Variants in AFAP1 observed in about 807,000 individuals in gnomAD.
AFAP1 encodes the protein actin filament-associated protein 1.
A neutral mutation model predicts 93.9 loss-of-function variants in AFAP1; 75 were observed. That is an observed-to-expected ratio of 0.80 (90% CI 0.66 to 0.97). The LOEUF is 0.97. Among genes scored for constraint, AFAP1 ranks in the 50% least tolerant of loss-of-function variants. AFAP1 has a pLI of 0.00. For synonymous variants in AFAP1, 517 were observed against 430.7 expected, an observed-to-expected ratio of 1.20 and a Z score of -2.48; for missense variants, 1,201 against 1,050.8, an observed-to-expected ratio of 1.14 and a Z score of -1.98.
At chr4:7,892,444 G>A (rs1478245015) in intron 1 of AFAP1, among the ~76,000 whole-genome samples, 1 of 152,188 alleles carries the variant, frequency 6.6e-6, no homozygotes, top group Non-Finnish European at 1.5e-5. Flanking sequence ...CATTCCCCAA[G>A]GAGACACTGG....
chr4:7,811,468 C>A (rs190839642), intron 8 of AFAP1, among the ~76,000 whole-genome samples: 131 of 151,730 alleles, frequency 8.6e-4, no homozygotes, highest in Admixed American at 3.0e-3. Context: ...CCTTCCCAAT[C>A]TCCGCCTCTC....
At chr4:7,865,974 G>A (rs1372491436) in intron 3 of AFAP1, among the ~76,000 whole-genome samples, 1 of 152,218 alleles carries the variant, frequency 6.6e-6, no homozygotes, top group Non-Finnish European at 1.5e-5. Flanking sequence ...TCAGCTCACT[G>A]CAACCTCCGC....
intron 1 of AFAP1, among the ~76,000 whole-genome samples, chr4:7,906,346 A>AT (rs1719401247): frequency 6.6e-6 from 1 of 152,214 alleles, no homozygotes; most frequent in Non-Finnish European, 1.5e-5. Flanking sequence ...CAGATAATGG[A>AT]TTTTAAAATT....
intron 1 of AFAP1, among the ~76,000 whole-genome samples, chr4:7,882,603 G>C (rs1717914454): frequency 6.6e-6 from 1 of 152,170 alleles, no homozygotes; most frequent in Admixed American, 6.5e-5. Flanking sequence ...GCTCACACCT[G>C]TCATCTCAGC....
intron 15 of AFAP1, 109 bp downstream of exon 15, chr4:7,774,630 A>C (rs1304497244): frequency 6.9e-7 from 1 of 1,444,676 alleles, no homozygotes; most frequent in Non-Finnish European, 9.2e-7. Context: ...ACTCTTACTA[A>C]ATAAAATGAC....
chr4:7,912,576 T>C (rs1031115019), intron 1 of AFAP1, among the ~76,000 whole-genome samples: 3 of 152,236 alleles, frequency 2.0e-5, no homozygotes, highest in Admixed American at 1.3e-4. Flanking sequence ...CTTGCTTATA[T>C]GTTATCTGAA....
intron 1 of AFAP1, among the ~76,000 whole-genome samples, chr4:7,902,552 T>C (rs1006558982): frequency 6.6e-6 from 1 of 151,614 alleles, no homozygotes; most frequent in Non-Finnish European, 1.5e-5. Flanking sequence ...TCTCCTTCTA[T>C]TGTCGTGTTT....
At chr4:7,911,443 C>T (rs531862274) in intron 1 of AFAP1, among the ~76,000 whole-genome samples, 6 of 152,324 alleles carry the variant, frequency 3.9e-5, no homozygotes, top group Non-Finnish European at 7.3e-5. Flanking sequence ...TATGAATGTG[C>T]TTTCTATCAT....
At chr4:7,792,291 CCAAG>C (rs1717931665) in intron 11 of AFAP1, among the ~76,000 whole-genome samples, 2 of 152,088 alleles carry the variant, frequency 1.3e-5, no homozygotes, top group South Asian at 4.1e-4. Context: ...AGATCTTTCC[CCAAG>C]CATGACTTCT....
At chr4:7,860,128 T>A (rs1050147271) in intron 3 of AFAP1, among the ~76,000 whole-genome samples, 19 of 151,622 alleles carry the variant, frequency 1.3e-4, no homozygotes, top group African/African-American at 3.4e-4. Flanking sequence ...GGTGACAGAG[T>A]GAGATGCTAT....
Position 7,909,846 on chromosome 4 carries a change from C to A in AFAP1, c.-3+29810G>T, listed in dbSNP as rs115545863. On this transcript the variant is annotated intron_variant, in intron 1 of 17. Transcript: ENST00000420658. ...TCAGCATGCATGCTTTTTTCACAGC[C>A]CCCCAGATGCAGCTAGGGTTGCAAA... Among the ~76,000 whole-genome samples, 1,042 of 152,222 alleles carry A rather than the reference C, an allele frequency of 6.8e-3. 8 individuals carry two copies. Among genetic ancestry groups the A allele is most frequent in the African/African-American group, 0.022 (931 of 41,534 alleles).
chr4:7,902,476 A>G (rs142445191), intron 1 of AFAP1, among the ~76,000 whole-genome samples: 2 of 152,318 alleles, frequency 1.3e-5, no homozygotes, highest in East Asian at 3.9e-4. Flanking sequence ...GACTGAGAAG[A>G]AAACAGAAAC....
chr4:7,802,769 C>T (rs1560168392), intron 9 of AFAP1, among the ~76,000 whole-genome samples: 1 of 151,868 alleles, frequency 6.6e-6, no homozygotes, highest in Non-Finnish European at 1.5e-5. Flanking sequence ...CCCGCCTCAG[C>T]CTCCCAAGCA....
In AFAP1 at chr4:7,872,439, G is replaced by C. The variant is rs186415194; in HGVS notation, c.-2-359C>G. The C allele has an allele frequency of 5.3e-4, 98 of 185,858 alleles. 1 individual carries two copies. Among genetic ancestry groups the C allele is most frequent in the African/African-American group, 2.2e-3 (95 of 42,424 alleles). 11.5% of individuals were successfully genotyped at this position (185,858 alleles called of 1,614,324 possible). ...GGAGATGGGAGTTTAAAATGCCAAAGAGTTTTCTAATAACCAGTAGGGCAT... is the reference window on the plus strand; with the variant it reads ...GGAGATGGGAGTTTAAAATGCCAAACAGTTTTCTAATAACCAGTAGGGCAT... On this transcript the variant is annotated intron_variant, in intron 1 of 17. Transcript: ENST00000420658.
At chr4:7,924,060 A>T (rs140688149) in intron 1 of AFAP1, among the ~76,000 whole-genome samples, 38 of 152,358 alleles carry the variant, frequency 2.5e-4, no homozygotes, top group Non-Finnish European at 4.6e-4. Context: ...GTCTGATAGC[A>T]AGAGTCAGAA....
chr4:7,926,201 C>T (rs1577364913), intron 1 of AFAP1, among the ~76,000 whole-genome samples: 1 of 152,226 alleles, frequency 6.6e-6, no homozygotes, highest in African/African-American at 2.4e-5. Context: ...GCTTCTAATG[C>T]TCACAATATA....
At chr4:7,932,251 C>T (rs1430475565) in intron 1 of AFAP1, among the ~76,000 whole-genome samples, 4 of 152,120 alleles carry the variant, frequency 2.6e-5, no homozygotes, top group African/African-American at 9.7e-5. Flanking sequence ...ATCAAAAACA[C>T]CCACATGATA....
intron 4 of AFAP1, among the ~76,000 whole-genome samples, chr4:7,853,821 C>T (rs1368435543): frequency 6.6e-6 from 1 of 152,190 alleles, no homozygotes; most frequent in Admixed American, 6.5e-5. Flanking sequence ...GGGCCATCAA[C>T]TGAGAGTCCC....
chr4:7,858,986 C>G (rs1715378685), intron 3 of AFAP1, among the ~76,000 whole-genome samples: 1 of 152,210 alleles, frequency 6.6e-6, no homozygotes, highest in Admixed American at 6.5e-5. Context: ...CACTGAATGG[C>G]AGCCCCACAC....
Sources: gnomAD v4.1 joint callset for allele counts (sites outside exome capture counted in the v4.1 genomes callset) on GRCh38, gnomAD v4.1.1 for gene constraint, MANE v1.5 for transcripts, NCBI Gene and HGNC (gene_info 2026-07-23, HGNC 2026-07-21) for gene names.